The following LRRC41 variants were observed in gnomAD, a reference collection of about 807,000 sequenced individuals.
LRRC41 encodes leucine-rich repeat-containing protein 41.
Under a neutral mutation model 72.1 loss-of-function variants are expected in LRRC41, and 17 were observed. The observed-to-expected ratio is 0.24, with a 90% CI of 0.16 to 0.35. LRRC41 has a LOEUF of 0.35. LRRC41 is among the 10% of genes least tolerant of loss of function. The probability of loss-of-function intolerance (pLI) is 1.00; values close to 1 mark genes in which losing one functional copy is unlikely to be tolerated. For synonymous variants in LRRC41, 427 were observed against 431.0 expected, an observed-to-expected ratio of 0.99 and a Z score of 0.11; for missense variants, 759 against 1,065.0, an observed-to-expected ratio of 0.71 and a Z score of 4.00.
chr1:46,278,420 T>C lies in LRRC41; in HGVS notation c.*445A>G, dbSNP rs1660689404. The C allele has an allele frequency of 1.9e-6, 2 of 1,050,680 alleles. No homozygotes were observed. The highest frequency in any genetic ancestry group is 2.8e-6 in the Non-Finnish European group (2 of 713,868). 65.1% of individuals were successfully genotyped at this position (1,050,680 alleles called of 1,614,324 possible). On this transcript the variant is annotated 3_prime_UTR_variant, in exon 10 of 10. Coordinates refer to ENST00000617190, the MANE Select transcript of LRRC41 (RefSeq NM_006369.5). ...CTGCATGATGTTTGCCCAAAATTTA[T>C]TTTATAAGAAAAACTTTTTTGGTTA... is the stretch of plus-strand genomic sequence containing the variant.
chr1:46,298,068 G>T (rs1280007967), intron 2 of LRRC41, among the ~76,000 whole-genome samples: 1 of 152,084 alleles, frequency 6.6e-6, no homozygotes, highest in Non-Finnish European at 1.5e-5. Flanking sequence ...TATTAATTGT[G>T]GTGTGCCTGT....
In LRRC41 at chr1:46,303,190, CG is replaced by C; in HGVS notation, c.132del (p.Ala45ProfsTer10). 2.5e-6 allele frequency: 4 copies of C among 1,574,106 alleles called. No homozygotes were observed. The highest frequency in any genetic ancestry group is 2.3e-5 in the East Asian group (1 of 43,074). On this transcript the variant is annotated frameshift_variant, in exon 1 of 10. Transcript: ENST00000617190. LOFTEE classifies it high-confidence loss of function. The part of the protein sequence containing the change: ...KSSASGPNAP[P>X]ALFELCGRAV... ...GCCCGCCCGCACAGCTCGAACAGGGCGGGGGGAGCGTTGGGGCCCGAGGCCG... is the reference window on the plus strand; with the variant it reads ...GCCCGCCCGCACAGCTCGAACAGGGCGGGGGAGCGTTGGGGCCCGAGGCCG...
chr1:46,289,213 G>A (rs934493408), intron 3 of LRRC41, among the ~76,000 whole-genome samples: 3 of 152,186 alleles, frequency 2.0e-5, no homozygotes, highest in African/African-American at 4.8e-5. Context: ...CAGTGATCAG[G>A]AACATGCACT....
At position 46,302,434 on chromosome 1, in the gene LRRC41, T is replaced by C. The variant is rs1392201816; in HGVS notation, c.199+690A>G. The C allele has an allele frequency of 3.0e-6, 3 of 985,238 alleles. No individual in the cohort carries two copies. In the East Asian group the frequency reaches 3.4e-4, roughly 112 times the overall value. The allele number at this position is 985,238 out of a possible 1,614,324, so 61.0% of individuals were successfully genotyped here. A position where few individuals can be genotyped will look rare whatever the true frequency, so the allele number is the denominator to read the frequency against. ...GCTCCCTGTCCTGCGGGTCGCACGG[T>C]CGCTCGGTCGCTTAGTCAGTTTGGC... On this transcript the variant is annotated intron_variant, in intron 1 of 9. Transcript: ENST00000617190. The surrounding 1 kb of genome is among the most constrained non-coding windows in gnomAD (Gnocchi z 4.7).
At chr1:46,280,996 A>G in intron 5 of LRRC41, 129 bp downstream of exon 5, 1 of 1,292,530 alleles carries the variant, frequency 7.7e-7, no homozygotes, top group Non-Finnish European at 1.1e-6. Flanking sequence ...TAAAGGGGGG[A>G]TAGGTTCCAG....
intron 3 of LRRC41, 146 bp downstream of exon 3, chr1:46,297,416 AC>A: frequency 1.7e-6 from 1 of 599,386 alleles, no homozygotes; most frequent in Non-Finnish European, 3.0e-6. Context: ...ATGGACCAAA[AC>A]CTTGTGACAA....
rs1352193894 is a variant in LRRC41, at chr1:46,303,178, G to A, written c.145C>T (p.Leu49=). The change falls in exon 1 of 10, where the codon CTG becomes TTG. Residue 49 remains leucine, a synonymous_variant. Transcript: ENST00000617190. ...GPNAPPALFE[L]CGRAVSAHMG... is the part of the protein sequence containing the mutation. ...TGGGCGCTCACCGCCCGCCCGCACAGCTCGAACAGGGCGGGGGGAGCGTTG... is the reference window on the plus strand; with the variant it reads ...TGGGCGCTCACCGCCCGCCCGCACAACTCGAACAGGGCGGGGGGAGCGTTG... 1.9e-5 allele frequency: 30 copies of A among 1,565,358 alleles called. No individual in the cohort carries two copies. The highest frequency in any genetic ancestry group is 2.5e-5 in the Non-Finnish European group (29 of 1,161,806).
At chr1:46,301,338 C>T (rs1661218889) in intron 1 of LRRC41, among the ~76,000 whole-genome samples, 1 of 152,094 alleles carries the variant, frequency 6.6e-6, no homozygotes, top group South Asian at 2.1e-4. Flanking sequence ...AAGCTCCAGG[C>T]GGAAAAGCCA....
Position 46,278,513 on chromosome 1 carries a change from A to G in LRRC41, c.*352T>C. ...AGTGTGGTAAGCCCAGCAGGGAAGA[A>G]GCCCCCTATACTTCTCTAAAGCCTG... On this transcript the variant is annotated 3_prime_UTR_variant, in exon 10 of 10. Transcript: ENST00000617190. 2 of 635,180 alleles carry G rather than the reference A, an allele frequency of 3.1e-6. No individual in the cohort carries two copies. The highest frequency in any genetic ancestry group is 5.4e-6 in the Non-Finnish European group (2 of 367,884). The allele number at this position is 635,180 out of a possible 1,614,324, so 39.3% of individuals were successfully genotyped here.
chr1:46,291,287 G>GT (rs1661010512), intron 3 of LRRC41, among the ~76,000 whole-genome samples: 1 of 151,960 alleles, frequency 6.6e-6, no homozygotes, highest in South Asian at 2.1e-4. Flanking sequence ...ATCTTCATGA[G>GT]TATCTCAATT....
Position 46,278,500 on chromosome 1 carries a change from C to T in LRRC41, c.*365G>A. ...GAGGCCTGAGAGCAGTGTGGTAAGC[C>T]CAGCAGGGAAGAAGCCCCCTATACT... On this transcript the variant is annotated 3_prime_UTR_variant, in exon 10 of 10. Transcript: ENST00000617190. The T allele has an allele frequency of 4.6e-6, 3 of 655,474 alleles. No individual in the cohort carries two copies. The South Asian group carries it at 5.9e-5, about 13-fold the overall frequency. 40.6% of individuals were successfully genotyped at this position (655,474 alleles called of 1,614,324 possible). A position where few individuals can be genotyped will look rare whatever the true frequency, so the allele number is the denominator to read the frequency against.
At chr1:46,291,573 T>G (rs1278590813) in intron 3 of LRRC41, among the ~76,000 whole-genome samples, 36 of 146,252 alleles carry the variant, frequency 2.5e-4, no homozygotes, top group Non-Finnish European at 5.0e-4. Flanking sequence ...TTTTTTTTTT[T>G]TTTTGAGATG....
Position 46,279,756 on chromosome 1 carries a change from C to A in LRRC41, c.2021-142G>T. 4.1e-6 allele frequency: 4 copies of A among 975,204 alleles called. No homozygotes were observed. In the South Asian group the frequency reaches 6.4e-5, roughly 16 times the overall value. 60.4% of individuals were successfully genotyped at this position (975,204 alleles called of 1,614,324 possible). On this transcript the variant is annotated intron_variant, in intron 7 of 9. Transcript: ENST00000617190. The surrounding 1 kb of genome is among the most constrained non-coding windows in gnomAD (Gnocchi z 4.5). Reference sequence around the variant, plus strand: ...GAATTTGTCTAGACTCCAAGCAAGGCTGGAACTAAATCAGAATCCAAACTA... The same window carrying A: ...GAATTTGTCTAGACTCCAAGCAAGGATGGAACTAAATCAGAATCCAAACTA...
In LRRC41 at chr1:46,285,403, C is replaced by T; in HGVS notation, c.1454G>A (p.Ser485Asn). 4 of 1,614,172 alleles carry T rather than the reference C, an allele frequency of 2.5e-6. No homozygotes were observed. The highest frequency in any genetic ancestry group is 1.7e-6 in the Non-Finnish European group (2 of 1,180,020). ...EAALTLCHLLSSWVSLESLTL... is the reference protein window; with the variant it reads ...EAALTLCHLLNSWVSLESLTL... ...GAGGCTCTCCAGTGACACCCAGGAG[C>T]TCAGCAGGTGGCATAGTGTCAGGGC... Residue 485 changes from serine (S) to asparagine (N), a missense_variant, in exon 4 of 10, where the codon AGC becomes AAC. By Grantham distance (46) the Ser-to-Asn change is conservative. Around this residue, in one of 4 missense-constraint regions of LRRC41, gnomAD observed 427 missense variants for 520.9 expected, o/e 0.82. Transcript: ENST00000617190. This position sits in a 1 kb window ranked among gnomAD's most constrained non-coding sequence, Gnocchi z 5.3.
chr1:46,297,618 G>A lies in LRRC41; in HGVS notation c.302C>T (p.Ala101Val). Reference sequence around the variant, plus strand: ...TTCATCCCAGAGTCGGCGCCAGATGGCCTGAGTTGAGAGGCCTGTAAGGAG... The same window carrying A: ...TTCATCCCAGAGTCGGCGCCAGATGACCTGAGTTGAGAGGCCTGTAAGGAG... ...TALKKGLSTQ[A>V]IWRRLWDELM... is the part of the protein sequence containing the mutation. The change falls in exon 3 of 10, where the codon GCC becomes GTC. Residue 101 changes from alanine (A) to valine (V), a missense_variant. Transcript: ENST00000617190. 2 of 1,613,994 alleles carry A rather than the reference G, an allele frequency of 1.2e-6. No individual in the cohort carries two copies. Among genetic ancestry groups the A allele is most frequent in the Non-Finnish European group, 1.7e-6 (2 of 1,179,870 alleles).
chr1:46,282,380 A>G (rs188956597), intron 4 of LRRC41, among the ~76,000 whole-genome samples: 1 of 152,378 alleles, frequency 6.6e-6, no homozygotes, highest in East Asian at 1.9e-4. Flanking sequence ...CCACAGGCAA[A>G]TAATTCCTTG....
Position 46,303,207 on chromosome 1 carries a change from C to G in LRRC41, c.116G>C (p.Gly39Ala). 6.4e-7 allele frequency: 1 copy of G among 1,568,190 alleles called. No homozygotes were observed. The highest frequency in any genetic ancestry group is 2.3e-5 in the East Asian group (1 of 42,578). The change falls in exon 1 of 10, where the codon GGC becomes GCC. Residue 39 changes from glycine to alanine, a missense_variant. Gly to Ala is a moderately conservative substitution (Grantham distance 60). This residue lies in a region of LRRC41 where 106 missense variants were observed against 66.1 expected (regional missense o/e 1.60). Coordinates refer to ENST00000617190, the MANE Select transcript of LRRC41 (RefSeq NM_006369.5). ...GAACAGGGCGGGGGGAGCGTTGGGG[C>G]CCGAGGCCGAGCTCTTCGCTGGCGC... ...EAAPAKSSAS[G>A]PNAPPALFEL...
chr1:46,293,558 CTTTT>C (rs1249653955), intron 3 of LRRC41, among the ~76,000 whole-genome samples: 1 of 151,690 alleles, frequency 6.6e-6, no homozygotes, highest in Non-Finnish European at 1.5e-5. Flanking sequence ...TGTGCTTTTA[CTTTT>C]TTTTGTTTAT....
chr1:46,299,606 A>T (rs986549488), intron 1 of LRRC41: 1 of 150,700 alleles, frequency 6.6e-6, no homozygotes, highest in Non-Finnish European at 1.5e-5. Flanking sequence ...GTGGGATGCA[A>T]TGGTTCACAC....
Sources: gnomAD v4.1 joint callset for allele counts (sites outside exome capture counted in the v4.1 genomes callset) on GRCh38, gnomAD v4.1.1 for gene constraint, gnomAD v4.1.1 regional missense constraint, Gnocchi (gnomAD v3.1) non-coding constraint, MANE v1.5 for transcripts, NCBI Gene and HGNC (gene_info 2026-07-23, HGNC 2026-07-21) for gene names.